Variants in AJAP1 observed in about 807,000 individuals in gnomAD.
AJAP1 encodes adherens junctions associated protein 1.
A neutral mutation model predicts 35.0 loss-of-function variants in AJAP1; 5 were observed. That is an observed-to-expected ratio of 0.14 (90% CI 0.07 to 0.30). AJAP1 has a LOEUF of 0.30. Ranked by LOEUF, AJAP1 falls within the 10% of genes least tolerant of loss-of-function variation. The pLI, the probability that AJAP1 is intolerant of heterozygous loss-of-function variation, is 1.00. For synonymous variants in AJAP1, 284 were observed against 249.3 expected (o/e 1.14, Z -1.31); for missense variants, 586 against 571.0 (o/e 1.03, Z -0.27).
At chr1:4,740,702 C>G (rs1266682841) in intron 2 of AJAP1, among the ~76,000 whole-genome samples, 1 of 134,112 alleles carries the variant, frequency 7.5e-6, no homozygotes, top group African/African-American at 2.8e-5. Flanking sequence ...AGGAGAATGG[C>G]GGGAACCCGG....
chr1:4,682,696 G>T (rs1639509341), intron 1 of AJAP1, among the ~76,000 whole-genome samples: 1 of 152,180 alleles, frequency 6.6e-6, no homozygotes, highest in Non-Finnish European at 1.5e-5. Context: ...TGTTGGGGAT[G>T]AGGATAGTGG....
Position 4,723,105 on chromosome 1 carries a change from G to A in AJAP1, c.829+10406G>A, listed in dbSNP as rs915190336. On this transcript the variant is annotated intron_variant, in intron 2 of 5. Coordinates refer to ENST00000378191, the MANE Select transcript of AJAP1 (RefSeq NM_018836.4). The surrounding 1 kb of genome is among the most constrained non-coding windows in gnomAD (Gnocchi z 4.3). ...GGGACGCGAGCCCCAAGAGAGCATCGGCTGGGGAGTAAGGGAGAGAACCAT... is the reference window on the plus strand; with the variant it reads ...GGGACGCGAGCCCCAAGAGAGCATCAGCTGGGGAGTAAGGGAGAGAACCAT... 5.9e-5 allele frequency among the ~76,000 whole-genome samples: 9 copies of A among 152,276 alleles called. No homozygotes were observed. The highest frequency in any genetic ancestry group is 1.9e-4 in the African/African-American group (8 of 41,552).
chr1:4,775,352 C>T (rs1021688654), intron 5 of AJAP1, among the ~76,000 whole-genome samples: 6 of 152,146 alleles, frequency 3.9e-5, no homozygotes, highest in Non-Finnish European at 7.3e-5. Context: ...TGGTTCTTTT[C>T]GACGCTGGGC....
rs972067315 is a variant in AJAP1 at position 4,655,246 on chromosome 1, G to A, written c.-180G>A. The A allele has an allele frequency of 1.9e-5, 4 of 209,034 alleles. No individual in the cohort carries two copies. Among genetic ancestry groups the A allele is most frequent in the African/African-American group, 4.8e-5 (2 of 42,040 alleles). The allele number at this position is 209,034 out of a possible 1,614,324, so 12.9% of individuals were successfully genotyped here. On this transcript the variant is annotated 5_prime_UTR_variant, in exon 1 of 6. Coordinates refer to ENST00000378191, the MANE Select transcript of AJAP1 (RefSeq NM_018836.4). The surrounding 1 kb of genome is among the most constrained non-coding windows in gnomAD (Gnocchi z 6.9). ...CCCCAACGGCGGCGGCGCGCCGGCC[G>A]GCATGGAGCCCCGCGCGGCCGCGCT...
intron 3 of AJAP1, among the ~76,000 whole-genome samples, chr1:4,770,556 C>T (rs1379956554): frequency 6.6e-6 from 1 of 152,184 alleles, no homozygotes; most frequent in African/African-American, 2.4e-5. Context: ...CCCTGCTGCT[C>T]GAAAGCGCCT....
intron 1 of AJAP1, among the ~76,000 whole-genome samples, chr1:4,664,042 C>T (rs1639062250): frequency 6.6e-6 from 1 of 152,126 alleles, no homozygotes; most frequent in Non-Finnish European, 1.5e-5. Context: ...GTTCTATGCC[C>T]GTGCCGTATC....
intron 2 of AJAP1, among the ~76,000 whole-genome samples, chr1:4,716,937 G>C (rs1325712972): frequency 1.3e-5 from 2 of 151,880 alleles, no homozygotes; most frequent in African/African-American, 4.8e-5. Context: ...AACCTCTTGG[G>C]ATGGAAAATC....
At chr1:4,767,619 A>G (rs1641715041) in intron 2 of AJAP1, among the ~76,000 whole-genome samples, 1 of 131,750 alleles carries the variant, frequency 7.6e-6, no homozygotes, top group African/African-American at 2.8e-5. Context: ...CACCATCTTT[A>G]TCATTACCAT....
chr1:4,688,123 T>A (rs753193377), intron 1 of AJAP1, among the ~76,000 whole-genome samples: 6 of 152,140 alleles, frequency 3.9e-5, no homozygotes, highest in Non-Finnish European at 7.4e-5. Flanking sequence ...GGCTGGGCTG[T>A]GCTGGACGAG....
At chr1:4,738,438 G>A (rs895666122) in intron 2 of AJAP1, among the ~76,000 whole-genome samples, 3 of 152,248 alleles carry the variant, frequency 2.0e-5, no homozygotes, top group Non-Finnish European at 4.4e-5. Flanking sequence ...TGATTAGGGG[G>A]TAGCTGGTCT....
intron 2 of AJAP1, among the ~76,000 whole-genome samples, chr1:4,739,266 C>T (rs1641001754): frequency 6.6e-6 from 1 of 152,192 alleles, no homozygotes; most frequent in African/African-American, 2.4e-5. Context: ...TGCAAACCTG[C>T]GTAATAATTC....
At chr1:4,766,546 T>A (rs894126837) in intron 2 of AJAP1, among the ~76,000 whole-genome samples, 1 of 152,178 alleles carries the variant, frequency 6.6e-6, no homozygotes, top group African/African-American at 2.4e-5. Context: ...ATGTCAGAAG[T>A]CCCAGTCCTT....
rs982623212 is a variant in AJAP1 at position 4,666,954 on chromosome 1, C to T, written c.29+11500C>T. 3.4e-5 allele frequency among the ~76,000 whole-genome samples: 5 copies of T among 148,532 alleles called. 1 individual carries two copies. The highest frequency in any genetic ancestry group is 2.2e-4 in the South Asian group (1 of 4,594). On this transcript the variant is annotated intron_variant, in intron 1 of 5. Transcript: ENST00000378191. ...GGTGCGGAGAGGGGCCCATGAATCA[C>T]GGAGGGGTTGCAGAGAGGAGCCTGT... is the stretch of plus-strand genomic sequence containing the variant.
intron 1 of AJAP1, among the ~76,000 whole-genome samples, chr1:4,688,154 G>C (rs533733691): frequency 1.4e-4 from 22 of 152,302 alleles, no homozygotes; most frequent in African/African-American, 4.8e-4. Context: ...TGGCCCCAGT[G>C]AGACGGGGGT....
At chr1:4,763,069 G>T (rs1281313680) in intron 2 of AJAP1, among the ~76,000 whole-genome samples, 2 of 152,198 alleles carry the variant, frequency 1.3e-5, no homozygotes, top group East Asian at 3.9e-4. Flanking sequence ...CACTGGGGGT[G>T]ACCCTCCAAC....
In AJAP1 at chr1:4,789,113, G is replaced by T. The variant is rs1039305561; in HGVS notation, c.*6628G>T. 1 of 152,158 alleles carries T rather than the reference G, an allele frequency of 6.6e-6. No homozygotes were observed. Among genetic ancestry groups the T allele is most frequent in the Non-Finnish European group, 1.5e-5 (1 of 68,036 alleles). The allele number at this position is 152,158 out of a possible 1,614,324, so 9.4% of individuals were successfully genotyped here. A position where few individuals can be genotyped will look rare whatever the true frequency, so the allele number is the denominator to read the frequency against. ...ATATATAAGAGGCATAATATAAATT[G>T]GGCCAAGCTTGCCCATGTGGGACAC... On this transcript the variant is annotated 3_prime_UTR_variant, in exon 6 of 6. Transcript: ENST00000378191. The surrounding 1 kb of genome is among the most constrained non-coding windows in gnomAD (Gnocchi z 4.4).
chr1:4,724,610 A>C (rs1640606947), intron 2 of AJAP1, among the ~76,000 whole-genome samples: 1 of 149,028 alleles, frequency 6.7e-6, no homozygotes, highest in African/African-American at 2.5e-5. Context: ...GGTGCTTTCC[A>C]CCGGCCGTCA....
intron 2 of AJAP1, among the ~76,000 whole-genome samples, chr1:4,725,017 C>T (rs1479626134): frequency 6.6e-6 from 1 of 152,208 alleles, no homozygotes; most frequent in Non-Finnish European, 1.5e-5. Context: ...CGCACACTGT[C>T]TGGCTCTGGA....
At position 4,768,683 on chromosome 1, in the gene AJAP1, G is replaced by A. The variant is rs1386292174; in HGVS notation, c.830-1170G>A. 3.9e-5 allele frequency among the ~76,000 whole-genome samples: 6 copies of A among 152,354 alleles called. No homozygotes were observed. The East Asian group carries it at 1.2e-3, about 29-fold the overall frequency. Reference sequence around the variant, plus strand: ...AGACAGGACAGTTGCTTGGATCTCAGGTGGAAGGACATGGGGAGATGAGTA... The same window carrying A: ...AGACAGGACAGTTGCTTGGATCTCAAGTGGAAGGACATGGGGAGATGAGTA... On this transcript the variant is annotated intron_variant, in intron 2 of 5. Transcript: ENST00000378191.
Sources: gnomAD v4.1 joint callset for allele counts (sites outside exome capture counted in the v4.1 genomes callset) on GRCh38, gnomAD v4.1.1 for gene constraint, Gnocchi (gnomAD v3.1) non-coding constraint, MANE v1.5 for transcripts, NCBI Gene and HGNC (gene_info 2026-07-23, HGNC 2026-07-21) for gene names.